ADK: variants seen among roughly 807,000 people sequenced by gnomAD.
ADK encodes the protein adenosine kinase.
A neutral mutation model predicts 44.7 loss-of-function variants in ADK; 24 were observed. The ratio of observed to expected loss-of-function variants is 0.54; its 90% CI spans 0.39 to 0.76. The LOEUF (loss-of-function observed/expected upper bound fraction) is 0.76, where lower values mean the gene tolerates loss of function less well. ADK is among the 30% of genes least tolerant of loss of function. ADK has a pLI of 0.00. For synonymous variants in ADK, 128 were observed against 142.6 expected (o/e 0.90, Z 0.73); for missense variants, 321 against 425.1 (o/e 0.76, Z 2.15).
At chr10:74,169,578 A>G (rs545589870) in intron 1 of ADK, among the ~76,000 whole-genome samples, 1 of 152,334 alleles carries the variant, frequency 6.6e-6, no homozygotes, top group South Asian at 2.1e-4. Flanking sequence ...TCTCCAGGGA[A>G]ATAAATTGCC....
chr10:74,528,836 G>C (rs958687269), intron 7 of ADK, among the ~76,000 whole-genome samples: 1 of 152,114 alleles, frequency 6.6e-6, no homozygotes, highest in African/African-American at 2.4e-5. Context: ...ACACCCATCA[G>C]AATGACAATT....
intron 6 of ADK, among the ~76,000 whole-genome samples, chr10:74,409,758 G>A (rs537878014): frequency 6.6e-6 from 1 of 152,252 alleles, no homozygotes; most frequent in East Asian, 1.9e-4. Context: ...AAGAAACATG[G>A]TATGAAGAAA....
intron 4 of ADK, among the ~76,000 whole-genome samples, chr10:74,362,251 CCTTTT>C (rs1420220437): frequency 6.6e-6 from 1 of 151,842 alleles, no homozygotes; most frequent in African/African-American, 2.4e-5. Flanking sequence ...TTGCTTGCTT[CCTTTT>C]CTTTTTTTTT....
At chr10:74,469,784 C>A (rs1564739560) in intron 6 of ADK, among the ~76,000 whole-genome samples, 1 of 152,178 alleles carries the variant, frequency 6.6e-6, no homozygotes, top group Non-Finnish European at 1.5e-5. Flanking sequence ...AACAGTAATT[C>A]CCCTTTGCCC....
chr10:74,591,285 G>A (rs966678426), intron 8 of ADK, among the ~76,000 whole-genome samples: 1 of 152,020 alleles, frequency 6.6e-6, no homozygotes, highest in African/African-American at 2.4e-5. Flanking sequence ...ATTGATTACA[G>A]CATATAAGCA....
chr10:74,534,258 T>C (rs1363350578), intron 7 of ADK, among the ~76,000 whole-genome samples: 1 of 152,242 alleles, frequency 6.6e-6, no homozygotes, highest in Admixed American at 6.5e-5. Context: ...GTGCAGATAA[T>C]TGTATGTCAG....
At chr10:74,277,304 C>T (rs931655053) in intron 3 of ADK, among the ~76,000 whole-genome samples, 1 of 152,194 alleles carries the variant, frequency 6.6e-6, no homozygotes, top group African/African-American at 2.4e-5. Context: ...ATACATTTTT[C>T]TCAGAATACC....
chr10:74,209,391 T>A (rs1441387669), intron 2 of ADK, among the ~76,000 whole-genome samples: 2 of 152,074 alleles, frequency 1.3e-5, no homozygotes, highest in African/African-American at 4.8e-5. Context: ...GAAATATATT[T>A]CTATTGTTTA....
chr10:74,157,118 C>T (rs1425714137), intron 1 of ADK, among the ~76,000 whole-genome samples: 1 of 152,184 alleles, frequency 6.6e-6, no homozygotes, highest in African/African-American at 2.4e-5. Context: ...AGTGGCTGAG[C>T]TGCCAGATGG....
chr10:74,531,715 A>G (rs1055391440), intron 7 of ADK, among the ~76,000 whole-genome samples: 1 of 152,076 alleles, frequency 6.6e-6, no homozygotes. Flanking sequence ...TAATTTTTGT[A>G]GAGAGGAGGT....
At chr10:74,571,469 T>C (rs1850959305) in intron 7 of ADK, among the ~76,000 whole-genome samples, 2 of 152,242 alleles carry the variant, frequency 1.3e-5, no homozygotes, top group Non-Finnish European at 1.5e-5. Flanking sequence ...TTTCAGAGCC[T>C]GTTATTCGTC....
intron 9 of ADK, among the ~76,000 whole-genome samples, chr10:74,657,601 A>G (rs1429068040): frequency 6.6e-6 from 1 of 152,224 alleles, no homozygotes; most frequent in African/African-American, 2.4e-5. Flanking sequence ...ATACTGTACT[A>G]GATTCTGGGA....
intron 6 of ADK, among the ~76,000 whole-genome samples, chr10:74,446,963 G>A (rs1845609457): frequency 6.6e-6 from 1 of 152,058 alleles, no homozygotes; most frequent in African/African-American, 2.4e-5. Context: ...CTACTCTCCA[G>A]TAATAGTTTT....
chr10:74,610,607 A>G (rs1852504639), intron 9 of ADK, among the ~76,000 whole-genome samples: 1 of 152,162 alleles, frequency 6.6e-6, no homozygotes, highest in South Asian at 2.1e-4. Flanking sequence ...CAATTTAAAA[A>G]AAATTAAACA....
chr10:74,601,979 C>T (rs575052521), intron 9 of ADK, among the ~76,000 whole-genome samples: 1 of 150,384 alleles, frequency 6.6e-6, no homozygotes, highest in Non-Finnish European at 1.5e-5. Flanking sequence ...GTGGCACATG[C>T]CCATAGTCCT....
intron 2 of ADK, among the ~76,000 whole-genome samples, chr10:74,221,194 A>G (rs1160237054): frequency 6.6e-6 from 1 of 151,804 alleles, no homozygotes; most frequent in African/African-American, 2.4e-5. Context: ...AAATCAATGT[A>G]CAAAAATCAC....
intron 1 of ADK, among the ~76,000 whole-genome samples, chr10:74,175,374 CAAA>C (rs1224759058): frequency 4.6e-5 from 4 of 87,128 alleles, no homozygotes; most frequent in African/African-American, 4.4e-5. Flanking sequence ...GACTCCAGCT[CAAA>C]AAAAAAAAAA....
At position 74,406,505 on chromosome 10, in the gene ADK, AAATAATAATAATAAT is replaced by A. The variant is rs150030020; in HGVS notation, c.555+7935_555+7949del. Among the ~76,000 whole-genome samples, 3 of 133,948 alleles carry A rather than the reference AAATAATAATAATAAT, an allele frequency of 2.2e-5. No individual in the cohort carries two copies. The Admixed American group carries it at 2.3e-4, about 10-fold the overall frequency. The allele number at this position is 133,948 out of a possible 152,430, so 87.9% of individuals were successfully genotyped here. A position where few individuals can be genotyped will look rare whatever the true frequency, so the allele number is the denominator to read the frequency against. On this transcript the variant is annotated intron_variant, in intron 6 of 10. Coordinates refer to ENST00000539909, the MANE Select transcript of ADK (RefSeq NM_006721.4). ...CCATCTACCTTTGGGACTCCGATTA[AAATAATAATAATAAT>A]AATAATAAGAAGAAGAAGAAGAAGA... is the stretch of plus-strand genomic sequence containing the variant.
intron 6 of ADK, among the ~76,000 whole-genome samples, chr10:74,518,121 T>C (rs1848667055): frequency 6.6e-6 from 1 of 152,198 alleles, no homozygotes; most frequent in Non-Finnish European, 1.5e-5. Context: ...ATGGTTGTTA[T>C]ATTTGTTATT....
Sources: gnomAD v4.1 joint callset for allele counts (sites outside exome capture counted in the v4.1 genomes callset) on GRCh38, gnomAD v4.1.1 for gene constraint, MANE v1.5 for transcripts, NCBI Gene and HGNC (gene_info 2026-07-23, HGNC 2026-07-21) for gene names.